The following CACNB2 variants were observed in gnomAD, a reference collection of about 807,000 sequenced individuals.
CACNB2 encodes the protein voltage-dependent L-type calcium channel subunit beta-2.
Under a neutral mutation model 73.3 loss-of-function variants are expected in CACNB2, and 42 were observed. The ratio of observed to expected loss-of-function variants is 0.57; its 90% CI spans 0.45 to 0.74. The LOEUF (loss-of-function observed/expected upper bound fraction) is 0.74, where lower values mean the gene tolerates loss of function less well. Ranked by LOEUF, CACNB2 falls within the 30% of genes least tolerant of loss-of-function variation. The pLI is 0.00. For missense variants in CACNB2, 940 were observed against 853.0 expected, an observed-to-expected ratio of 1.10 and a Z score of -1.27; for synonymous variants, 348 against 310.3, an observed-to-expected ratio of 1.12 and a Z score of -1.28.
intron 3 of CACNB2, among the ~76,000 whole-genome samples, chr10:18,457,354 T>C (rs1411019056): frequency 6.6e-6 from 1 of 152,066 alleles, no homozygotes; most frequent in African/African-American, 2.4e-5. Context: ...CCTCCCAAAG[T>C]GCTGGAATTA....
intron 2 of CACNB2, among the ~76,000 whole-genome samples, chr10:18,233,958 G>A (rs556395978): frequency 1.3e-5 from 2 of 152,252 alleles, no homozygotes; most frequent in Non-Finnish European, 1.5e-5. Flanking sequence ...GAGCATAGGC[G>A]TCCCCTACTG....
At position 18,540,991 on chromosome 10, in the gene CACNB2, T is replaced by C. The variant is rs2054040677; in HGVS notation, c.*1267T>C. On this transcript the variant is annotated 3_prime_UTR_variant, in exon 14 of 14. Transcript: ENST00000324631. ...AGAGTGAAAATACAGGCAATTTTACTGTGAGTGTTTCACTGGAAATGTACA... is the reference window on the plus strand; with the variant it reads ...AGAGTGAAAATACAGGCAATTTTACCGTGAGTGTTTCACTGGAAATGTACA... 1 of 152,666 alleles carries C rather than the reference T, an allele frequency of 6.6e-6. No homozygotes were observed. Among genetic ancestry groups the C allele is most frequent in the South Asian group, 2.1e-4 (1 of 4,830 alleles). The allele number at this position is 152,666 out of a possible 1,614,324, so 9.5% of individuals were successfully genotyped here.
chr10:18,413,095 C>A (rs2044728614), intron 3 of CACNB2, among the ~76,000 whole-genome samples: 1 of 152,182 alleles, frequency 6.6e-6, no homozygotes, highest in African/African-American at 2.4e-5. Context: ...CTCAGCCTTC[C>A]AAGTAGCTGG....
intron 2 of CACNB2, among the ~76,000 whole-genome samples, chr10:18,279,167 G>T (rs1392980784): frequency 1.3e-5 from 2 of 152,110 alleles, no homozygotes; most frequent in African/African-American, 4.8e-5. Flanking sequence ...AAAGGATTTG[G>T]CTGTCTTTCT....
intron 3 of CACNB2, among the ~76,000 whole-genome samples, chr10:18,440,777 AT>A (rs1417085563): frequency 1.8e-4 from 28 of 152,344 alleles, no homozygotes. Context: ...TCTGAAGCAC[AT>A]TCTAGGAACA....
At chr10:18,300,107 C>T (rs1456210934) in intron 2 of CACNB2, among the ~76,000 whole-genome samples, 3 of 152,044 alleles carry the variant, frequency 2.0e-5, no homozygotes, top group African/African-American at 7.2e-5. Flanking sequence ...CTGCAACCTC[C>T]ACCTCCCGGG....
intron 2 of CACNB2, among the ~76,000 whole-genome samples, chr10:18,345,206 A>G (rs1239998837): frequency 6.6e-6 from 1 of 152,210 alleles, no homozygotes; most frequent in African/African-American, 2.4e-5. Context: ...TTGCACAGTG[A>G]GTGGGTTTGA....
At position 18,442,974 on chromosome 10, in the gene CACNB2, A is replaced by ATG. The variant is rs1245579579; in HGVS notation, c.333+40932_333+40933insGT. On this transcript the variant is annotated intron_variant, in intron 3 of 13. Transcript: ENST00000324631. ...TATATATATGTATATATATATGTGT[A>ATG]TATATATATATGTATATATATATGT... Among the ~76,000 whole-genome samples the ATG allele has an allele frequency of 6.1e-4, 12 of 19,742 alleles. 1 individual carries two copies. The highest frequency in any genetic ancestry group is 1.1e-3 in the Admixed American group (2 of 1,840). The allele number at this position is 19,742 out of a possible 152,430, so 13.0% of individuals were successfully genotyped here.
At chr10:18,496,538 C>T (rs370692445) in intron 3 of CACNB2, among the ~76,000 whole-genome samples, 43 of 152,228 alleles carry the variant, frequency 2.8e-4, no homozygotes, top group Middle Eastern at 3.4e-3. Flanking sequence ...TTAAGCCGGA[C>T]GCGGTGGCTC....
chr10:18,293,144 G>A (rs2039136554), intron 2 of CACNB2, among the ~76,000 whole-genome samples: 1 of 152,118 alleles, frequency 6.6e-6, no homozygotes, highest in Admixed American at 6.5e-5. Flanking sequence ...ATTAAAAGAG[G>A]TGTACCTTAG....
intron 3 of CACNB2, among the ~76,000 whole-genome samples, chr10:18,426,439 T>G (rs1210567602): frequency 3.9e-5 from 6 of 152,250 alleles, no homozygotes; most frequent in Non-Finnish European, 8.8e-5. Flanking sequence ...TGAAAAGCTT[T>G]GTATTTATCA....
chr10:18,233,443 A>G (rs1325984896), intron 2 of CACNB2, among the ~76,000 whole-genome samples: 2 of 150,210 alleles, frequency 1.3e-5, no homozygotes, highest in African/African-American at 5.0e-5. Flanking sequence ...TAGTGGAAAC[A>G]TCTTTTTTTC....
At chr10:18,305,392 C>T (rs559301870) in intron 2 of CACNB2, among the ~76,000 whole-genome samples, 1 of 152,222 alleles carries the variant, frequency 6.6e-6, no homozygotes, top group African/African-American at 2.4e-5. Flanking sequence ...TAAGGTAAAA[C>T]ATGTAACTGG....
At chr10:18,518,836 A>G in intron 8 of CACNB2, 74 bp from the exon 9 acceptor site, 1 of 1,332,426 alleles carries the variant, frequency 7.5e-7, no homozygotes, top group South Asian at 1.2e-5. Context: ...CATTCCTAAG[A>G]GAAGTAAAAT....
In CACNB2 at chr10:18,538,981, C is replaced by CT. The variant is rs11419902; in HGVS notation, c.1489-237dup. Among the ~76,000 whole-genome samples, 51,823 of 146,260 alleles carry CT rather than the reference C, an allele frequency of 0.35. 9,474 individuals carry two copies. The highest frequency in any genetic ancestry group is 0.75 in the East Asian group (3,778 of 5,046). On this transcript the variant is annotated intron_variant, in intron 13 of 13. Transcript: ENST00000324631. ...TAAAAGAACATTTTCCCTGCTGCTG[C>CT]TTTTTTTTTTTTAAAGGAAAAAGTT...
intron 2 of CACNB2, among the ~76,000 whole-genome samples, chr10:18,299,238 T>C (rs931182663): frequency 6.6e-6 from 1 of 152,214 alleles, no homozygotes; most frequent in Non-Finnish European, 1.5e-5. Context: ...ATAGTTCTCT[T>C]TCTTTCTCAG....
chr10:18,180,095 T>C lies in CACNB2; in HGVS notation c.213+29120T>C, dbSNP rs561429416. ...GATTTAGCGTATCAGCGTGTATTTA[T>C]GCAAGGGAGAACTCCGAGGCCATAT... On this transcript the variant is annotated intron_variant, in intron 2 of 13. Coordinates refer to ENST00000324631, the MANE Select transcript of CACNB2 (RefSeq NM_201596.3). Among the ~76,000 whole-genome samples, 4 of 152,318 alleles carry C rather than the reference T, an allele frequency of 2.6e-5. No homozygotes were observed. The South Asian group carries it at 6.2e-4, about 24-fold the overall frequency.
chr10:18,511,411 C>T (rs1473184225), intron 6 of CACNB2, among the ~76,000 whole-genome samples: 1 of 152,186 alleles, frequency 6.6e-6, no homozygotes, highest in African/African-American at 2.4e-5. Context: ...TTCATAACAA[C>T]TTCAAAACTG....
At chr10:18,177,164 C>T (rs987187650) in intron 2 of CACNB2, among the ~76,000 whole-genome samples, 1 of 152,046 alleles carries the variant, frequency 6.6e-6, no homozygotes, top group East Asian at 1.9e-4. Context: ...AAATCATGTG[C>T]ATATACATGT....
Sources: gnomAD v4.1 joint callset for allele counts (sites outside exome capture counted in the v4.1 genomes callset) on GRCh38, gnomAD v4.1.1 for gene constraint, MANE v1.5 for transcripts, NCBI Gene and HGNC (gene_info 2026-07-23, HGNC 2026-07-21) for gene names.